CABCOCO1: variants seen among roughly 807,000 people sequenced by gnomAD.
CABCOCO1 encodes the protein ciliary associated calcium binding coiled-coil 1, also known as ciliary-associated calcium-binding coiled-coil protein 1.
Under a neutral mutation model 35.7 loss-of-function variants are expected in CABCOCO1, and 28 were observed. The observed-to-expected ratio is 0.78, with a 90% CI of 0.58 to 1.07. The LOEUF (loss-of-function observed/expected upper bound fraction) is 1.07. Ranked by LOEUF, CABCOCO1 falls within the 50% of genes least tolerant of loss-of-function variation. CABCOCO1 has a pLI of 0.00. For missense variants in CABCOCO1, 326 were observed against 309.2 expected, an observed-to-expected ratio of 1.05 and a Z score of -0.41; for synonymous variants, 95 against 100.1, an observed-to-expected ratio of 0.95 and a Z score of 0.30.
chr10:61,689,838 T>C (rs1840080420), intron 4 of CABCOCO1, among the ~76,000 whole-genome samples: 1 of 152,148 alleles, frequency 6.6e-6, no homozygotes, highest in Non-Finnish European at 1.5e-5. Context: ...AATTTTTAAC[T>C]CTTAATAATG....
intron 7 of CABCOCO1, among the ~76,000 whole-genome samples, chr10:61,764,679 C>T (rs867943322): frequency 1.3e-5 from 2 of 151,760 alleles, no homozygotes; most frequent in African/African-American, 2.4e-5. Context: ...CCTGGAGGAC[C>T]GCTCCATCCC....
chr10:61,689,764 G>A (rs944269904), intron 4 of CABCOCO1, among the ~76,000 whole-genome samples: 2 of 152,076 alleles, frequency 1.3e-5, no homozygotes, highest in Admixed American at 6.6e-5. Flanking sequence ...TCAACCAGCA[G>A]GAAGAGAACT....
chr10:61,741,261 T>A (rs1841544156), intron 5 of CABCOCO1, among the ~76,000 whole-genome samples: 1 of 152,174 alleles, frequency 6.6e-6, no homozygotes, highest in African/African-American at 2.4e-5. Context: ...TGCTTATTAT[T>A]AATTGCTAAC....
chr10:61,680,523 T>C (rs1839702252), intron 2 of CABCOCO1, among the ~76,000 whole-genome samples: 1 of 136,582 alleles, frequency 7.3e-6, no homozygotes, highest in Non-Finnish European at 1.5e-5. Flanking sequence ...ATATAACATA[T>C]TATATGTTAT....
At chr10:61,710,116 T>A (rs1840692969) in intron 5 of CABCOCO1, among the ~76,000 whole-genome samples, 1 of 152,012 alleles carries the variant, frequency 6.6e-6, no homozygotes. Context: ...TAAAAATTAT[T>A]TTAAATGATT....
intron 5 of CABCOCO1, among the ~76,000 whole-genome samples, chr10:61,704,141 T>G (rs1435981953): frequency 1.3e-5 from 2 of 152,110 alleles, no homozygotes; most frequent in African/African-American, 4.8e-5. Flanking sequence ...GGAGAATCGC[T>G]TGAACCTGGG....
At chr10:61,669,507 G>A (rs1162667702) in intron 1 of CABCOCO1, among the ~76,000 whole-genome samples, 4 of 152,040 alleles carry the variant, frequency 2.6e-5, no homozygotes, top group African/African-American at 9.7e-5. Flanking sequence ...CAGAATGTAT[G>A]TGTTGAAAGA....
At chr10:61,679,329 C>CTATATCTATATCTATATCTAATCTATCTA (rs60971419) in intron 2 of CABCOCO1, among the ~76,000 whole-genome samples, 15 of 142,756 alleles carry the variant, frequency 1.1e-4, no homozygotes, top group African/African-American at 3.9e-4. Context: ...ATATCTATAT[C>CTATATCTATATCTATATCTAATCTATCTA]TATCTATATC....
chr10:61,702,921 A>G (rs550967300), intron 5 of CABCOCO1, among the ~76,000 whole-genome samples: 129 of 152,218 alleles, frequency 8.5e-4, no homozygotes, highest in African/African-American at 2.1e-3. Context: ...AGGAGAAAAA[A>G]AAAACAGGAA....
intron 7 of CABCOCO1, among the ~76,000 whole-genome samples, chr10:61,762,340 A>T (rs1168636604): frequency 6.6e-6 from 1 of 152,084 alleles, no homozygotes; most frequent in Non-Finnish European, 1.5e-5. Context: ...TTATACCCCT[A>T]TTCTATATGA....
intron 5 of CABCOCO1, among the ~76,000 whole-genome samples, chr10:61,720,234 TG>T (rs1307845511): frequency 1.3e-5 from 2 of 151,246 alleles, no homozygotes; most frequent in Non-Finnish European, 2.9e-5. Context: ...TTTTTAAGTA[TG>T]CAAGCAATAA....
intron 7 of CABCOCO1, among the ~76,000 whole-genome samples, chr10:61,761,603 C>T (rs1842011032): frequency 6.6e-6 from 1 of 152,116 alleles, no homozygotes; most frequent in South Asian, 2.1e-4. Context: ...TCTACCTCAA[C>T]TCAAAGACTT....
chr10:61,726,471 T>C (rs1841152079), intron 5 of CABCOCO1, among the ~76,000 whole-genome samples: 1 of 152,024 alleles, frequency 6.6e-6, no homozygotes, highest in Non-Finnish European at 1.5e-5. Context: ...GAGCAAACTA[T>C]CTGGAAAAAA....
intron 5 of CABCOCO1, among the ~76,000 whole-genome samples, chr10:61,750,544 C>T (rs553148604): frequency 6.6e-6 from 1 of 152,274 alleles, no homozygotes; most frequent in African/African-American, 2.4e-5. Flanking sequence ...CCACTGGACT[C>T]CAGCCTGGGC....
chr10:61,745,495 G>A (rs1841636507), intron 5 of CABCOCO1, among the ~76,000 whole-genome samples: 1 of 152,144 alleles, frequency 6.6e-6, no homozygotes, highest in Non-Finnish European at 1.5e-5. Flanking sequence ...TCACCCAACA[G>A]TTCTCTACCC....
At chr10:61,680,657 T>C (rs781643804) in intron 2 of CABCOCO1, among the ~76,000 whole-genome samples, 4 of 82,556 alleles carry the variant, frequency 4.8e-5, no homozygotes, top group African/African-American at 7.7e-5. Context: ...ATATATTATG[T>C]TATACATGTA....
chr10:61,669,197 A>G (rs1418551841), intron 1 of CABCOCO1, among the ~76,000 whole-genome samples: 1 of 151,958 alleles, frequency 6.6e-6, no homozygotes, highest in East Asian at 1.9e-4. Flanking sequence ...AGATGTCCCT[A>G]AAAGTTTACA....
At chr10:61,685,927 T>C in intron 3 of CABCOCO1, 114 bp from the exon 4 acceptor site, 1 of 867,594 alleles carries the variant, frequency 1.2e-6, no homozygotes. Flanking sequence ...TTACCATTTA[T>C]CCTCACAAAT....
chr10:61,677,559 T>C (rs1232694946), intron 2 of CABCOCO1, among the ~76,000 whole-genome samples: 1 of 151,962 alleles, frequency 6.6e-6, no homozygotes, highest in African/African-American at 2.4e-5. Context: ...TTTTTTTTTA[T>C]TATACTTTAA....
Sources: allele counts gnomAD v4.1 joint callset (sites outside exome capture counted in the v4.1 genomes callset), GRCh38; gene constraint gnomAD v4.1.1; transcripts MANE v1.5; gene names NCBI Gene and HGNC (gene_info 2026-07-23, HGNC 2026-07-21).